The following CEP89 variants were observed in gnomAD, a reference collection of about 807,000 sequenced individuals.
The protein encoded by CEP89 is centrosomal protein 89, also known as centrosomal protein of 89 kDa.
In CEP89, 95 loss-of-function variants were observed where a neutral mutation model predicts 97.6. The observed-to-expected ratio is 0.97, with a 90% CI of 0.82 to 1.15. CEP89 has a LOEUF of 1.15. Among genes scored for constraint, CEP89 ranks in the 50% most tolerant of loss-of-function variants. The probability of loss-of-function intolerance (pLI) is 0.00; values close to 1 mark genes in which losing one functional copy is unlikely to be tolerated. For synonymous variants in CEP89, 354 were observed against 349.1 expected, an observed-to-expected ratio of 1.01 and a Z score of -0.16; for missense variants, 869 against 947.7, an observed-to-expected ratio of 0.92 and a Z score of 1.09.
intron 6 of CEP89, 101 bp from the exon 7 acceptor site, chr19:32,937,774 C>T: frequency 1.3e-6 from 1 of 788,198 alleles, no homozygotes; most frequent in Non-Finnish European, 2.2e-6. Flanking sequence ...TATAAGCATG[C>T]TTTATTTCCT....
Position 32,953,691 on chromosome 19 carries a change from T to G in CEP89, c.416A>C (p.Glu139Ala), listed in dbSNP as rs765927379. Residue 139 changes from glutamate to alanine, a missense_variant, in exon 4 of 19, where the codon GAA (glutamate) becomes GCA (alanine). Coordinates refer to ENST00000305768, the MANE Select transcript of CEP89 (RefSeq NM_032816.5). ...IETQLSSSGKELGDVSAREDR... is the reference protein window; with the variant it reads ...IETQLSSSGKALGDVSAREDR... ...CTCCCGGGCACTGACATCCCCCAAT[T>G]CCTTGCCGCTGGATGACAGCTGAGT... 2.5e-5 allele frequency: 41 copies of G among 1,613,886 alleles called. No individual in the cohort carries two copies. The South Asian group carries it at 4.2e-4, about 16-fold the overall frequency.
chr19:32,971,568 G>C (rs568821051), intron 1 of CEP89: 198 of 579,438 alleles, frequency 3.4e-4, no homozygotes, highest in Non-Finnish European at 3.8e-4. Flanking sequence ...GGGGTGGGAA[G>C]ATCGCTTGAG....
intron 3 of CEP89, among the ~76,000 whole-genome samples, chr19:32,959,632 G>A (rs939207832): frequency 7.2e-5 from 11 of 152,224 alleles, no homozygotes; most frequent in African/African-American, 2.6e-4. Flanking sequence ...AAATGGCCAG[G>A]ACCCATACAA....
chr19:32,947,231 G>A (rs1240322661), intron 5 of CEP89, among the ~76,000 whole-genome samples: 1 of 152,050 alleles, frequency 6.6e-6, no homozygotes, highest in Non-Finnish European at 1.5e-5. Flanking sequence ...CCCTACCTTT[G>A]TTATAACATG....
At chr19:32,951,903 C>G (rs1296048836) in intron 4 of CEP89, among the ~76,000 whole-genome samples, 1 of 152,102 alleles carries the variant, frequency 6.6e-6, no homozygotes, top group African/African-American at 2.4e-5. Flanking sequence ...AGCTTTCCCT[C>G]TAGAACAGTG....
Position 32,927,918 on chromosome 19 carries a change from T to G in CEP89, c.1030-934A>C, listed in dbSNP as rs12983028. Among the ~76,000 whole-genome samples the G allele has an allele frequency of 9.5e-5, 12 of 126,780 alleles. No individual in the cohort carries two copies. The South Asian group carries it at 1.1e-3, about 11-fold the overall frequency. The allele number at this position is 126,780 out of a possible 152,430, so 83.2% of individuals were successfully genotyped here. On this transcript the variant is annotated intron_variant, in intron 9 of 18. Coordinates refer to ENST00000305768, the MANE Select transcript of CEP89 (RefSeq NM_032816.5). ...GCACACTTGGCTTTTTTTTTTTTTT[T>G]CTTTTTTTTTTTTTTTTGAGACAGT...
chr19:32,921,824 T>C (rs939928115), intron 12 of CEP89, among the ~76,000 whole-genome samples: 2 of 152,118 alleles, frequency 1.3e-5, no homozygotes, highest in Non-Finnish European at 1.5e-5. Flanking sequence ...CCTGAGCCAG[T>C]CCCACCTGAC....
intron 5 of CEP89, among the ~76,000 whole-genome samples, chr19:32,943,077 A>G (rs1319726311): frequency 6.6e-6 from 1 of 152,226 alleles, no homozygotes; most frequent in Admixed American, 6.5e-5. Context: ...TTCCTGCCTC[A>G]GCCTCCAGCT....
chr19:32,939,167 C>T (rs1308046724), intron 6 of CEP89, among the ~76,000 whole-genome samples: 2 of 152,216 alleles, frequency 1.3e-5, no homozygotes, highest in Admixed American at 1.3e-4. Flanking sequence ...AAAAGAATCA[C>T]TTGATCCCAG....
In CEP89 at chr19:32,923,467, T is replaced by A. The variant is rs770491739; in HGVS notation, c.1240A>T (p.Lys414Ter). The A allele has an allele frequency of 1.2e-6, 2 of 1,608,468 alleles. No individual in the cohort carries two copies. The highest frequency in any genetic ancestry group is 2.2e-5 in the South Asian group (2 of 90,856). ...TCCTCACTGGTAACAGCACTACTCT[T>A]ATTTAACTCTTGGTGCAATTCTTCA... Reference protein sequence around the residue: ...ENEELHQELNKSSAVTSEEWR... With the variant: ...ENEELHQELN Residue 414 changes from lysine to a stop codon, truncating the protein, a stop_gained, in exon 12 of 19, where the codon AAG (lysine) becomes TAG (stop). Transcript: ENST00000305768. LOFTEE classifies it high-confidence loss of function.
intron 16 of CEP89, among the ~76,000 whole-genome samples, chr19:32,889,071 G>T (rs868526512): frequency 6.6e-6 from 1 of 152,172 alleles, no homozygotes; most frequent in Admixed American, 6.5e-5. Context: ...TATGTACAGG[G>T]TTGGGTAAGG....
chr19:32,937,678 G>C lies in CEP89; in HGVS notation c.625-5C>G. On this transcript the variant is annotated splice_region_variant and splice_polypyrimidine_tract_variant and intron_variant, in intron 6 of 18. Coordinates refer to ENST00000305768, the MANE Select transcript of CEP89 (RefSeq NM_032816.5). ...ACATAATGGAGGTTTTTCATCCTAG[G>C]AAAGAAAGAACATAAGAGGAATAAG... The C allele has an allele frequency of 1.9e-6, 3 of 1,601,808 alleles. No homozygotes were observed. In the Middle Eastern group the frequency reaches 5.0e-4, roughly 265 times the overall value.
chr19:32,899,929 A>C lies in CEP89; in HGVS notation c.1803T>G (p.Ala601=), dbSNP rs1194001196. The C allele has an allele frequency of 2.5e-6, 4 of 1,614,002 alleles. No individual in the cohort carries two copies. The highest frequency in any genetic ancestry group is 3.4e-6 in the Non-Finnish European group (4 of 1,179,896). ...CAACAAGGTTTGCCAGGTACTGATG[A>C]GCAGACATTTCGTTCCCCATGGCTT... The part of the protein sequence containing the change: ...VEKAMGNEMS[A]HQYLANLVGL... Residue 601 remains alanine, a synonymous_variant, in exon 16 of 19, where the codon GCT becomes GCG. Transcript: ENST00000305768.
rs1356503023 is a variant in CEP89 at position 32,879,211 on chromosome 19, C to T, written c.2303G>A (p.Gly768Asp). ...NGVSQADLLDGCDVCSYDLKS... is the reference protein window; with the variant it reads ...NGVSQADLLDDCDVCSYDLKS... ...CAGGTCATAGGAGCAGACATCGCAG[C>T]CGTCCAGCAGGTCTGCCTGAGAGAC... Residue 768 changes from glycine (G) to aspartate (D), a missense_variant, in exon 19 of 19, where the codon GGC (glycine) becomes GAC (aspartate). Gly to Asp is a moderately conservative substitution (Grantham distance 94). Transcript: ENST00000305768. 1 of 1,614,066 alleles carries T rather than the reference C, an allele frequency of 6.2e-7. No homozygotes were observed. Among genetic ancestry groups the T allele is most frequent in the East Asian group, 2.2e-5 (1 of 44,868 alleles).
chr19:32,953,003 G>A (rs1267175604), intron 4 of CEP89, among the ~76,000 whole-genome samples: 1 of 150,710 alleles, frequency 6.6e-6, no homozygotes, highest in Non-Finnish European at 1.5e-5. Flanking sequence ...TGCCATTAAA[G>A]AAATGTCATT....
intron 2 of CEP89, 56 bp from the exon 3 acceptor site, chr19:32,960,114 C>T: frequency 6.3e-7 from 1 of 1,588,784 alleles, no homozygotes; most frequent in Non-Finnish European, 8.6e-7. Context: ...CAGGTGAATG[C>T]TGAACAAGGT....
chr19:32,884,726 G>A (rs56160521), intron 17 of CEP89, among the ~76,000 whole-genome samples: 7,388 of 152,016 alleles, frequency 0.049, 238 homozygotes, highest in South Asian at 0.15. Flanking sequence ...TATCAAGCCC[G>A]GCTAATTTTA....
intron 18 of CEP89, 25 bp downstream of exon 18, chr19:32,881,819 C>A: frequency 6.3e-7 from 1 of 1,579,154 alleles, no homozygotes; most frequent in East Asian, 2.3e-5. Flanking sequence ...TCTCTGCGGG[C>A]CATGGCGCAG....
intron 18 of CEP89, among the ~76,000 whole-genome samples, chr19:32,879,907 C>T (rs530837035): frequency 1.4e-3 from 219 of 152,278 alleles, no homozygotes; most frequent in Non-Finnish European, 2.5e-3. Flanking sequence ...GAGCTAAGAG[C>T]GAGTCAGGGG....
Sources: allele counts gnomAD v4.1 joint callset (sites outside exome capture counted in the v4.1 genomes callset), GRCh38; gene constraint gnomAD v4.1.1; transcripts MANE v1.5; gene names NCBI Gene and HGNC (gene_info 2026-07-23, HGNC 2026-07-21).